Variants in PPFIA1 observed in about 807,000 individuals in gnomAD.
PPFIA1 encodes liprin-alpha-1.
A neutral mutation model predicts 149.9 loss-of-function variants in PPFIA1; 25 were observed. That is an observed-to-expected ratio of 0.17 (90% confidence interval 0.12 to 0.23). The LOEUF is 0.23. PPFIA1 is among the 10% of genes least tolerant of loss of function. PPFIA1 has a pLI of 1.00. For missense variants in PPFIA1, 1,362 were observed against 1,506.5 expected (o/e 0.90, Z 1.59); for synonymous variants, 549 against 552.8 (o/e 0.99, Z 0.10).
intron 16 of PPFIA1, chr11:70,354,099 G>A (rs531232177): frequency 2.9e-5 from 16 of 544,578 alleles, no homozygotes; most frequent in East Asian, 1.9e-4. Flanking sequence ...GCGCACGCTC[G>A]TGGGGAGGCA....
At chr11:70,295,707 C>G (rs2051925014) in intron 2 of PPFIA1, among the ~76,000 whole-genome samples, 1 of 149,622 alleles carries the variant, frequency 6.7e-6, no homozygotes, top group Admixed American at 6.6e-5. Flanking sequence ...CACCTCCCTC[C>G]CGGACGGGGC....
At chr11:70,276,953 GCTTTA>G (rs1254568587) in intron 2 of PPFIA1, among the ~76,000 whole-genome samples, 6 of 144,416 alleles carry the variant, frequency 4.2e-5, no homozygotes, top group Admixed American at 4.1e-4. Flanking sequence ...CCAACTTTCG[GCTTTA>G]CATTTTTTTC....
chr11:70,361,469 A>C (rs907370313), intron 19 of PPFIA1, among the ~76,000 whole-genome samples: 7 of 152,102 alleles, frequency 4.6e-5, no homozygotes, highest in Non-Finnish European at 8.8e-5. Context: ...TTTGATCTGC[A>C]GTTGGTTGAC....
chr11:70,336,609 T>G (rs947283077), intron 11 of PPFIA1, among the ~76,000 whole-genome samples: 1 of 152,200 alleles, frequency 6.6e-6, no homozygotes, highest in African/African-American at 2.4e-5. Flanking sequence ...AAATAAATAT[T>G]CCAACCTCTA....
chr11:70,272,060 C>A, intron 1 of PPFIA1, 113 bp from the exon 2 acceptor site: 2 of 1,174,306 alleles, frequency 1.7e-6, no homozygotes, highest in Non-Finnish European at 2.4e-6. Flanking sequence ...CATAACAGAT[C>A]TGAGCATAAT....
In PPFIA1 at chr11:70,272,690, G is replaced by T. The variant is rs531885928; in HGVS notation, c.264+254G>T. Among the ~76,000 whole-genome samples, 174 of 152,282 alleles carry T rather than the reference G, an allele frequency of 1.1e-3. 1 individual carries two copies. The highest frequency in any genetic ancestry group is 3.9e-3 in the African/African-American group (163 of 41,556). On this transcript the variant is annotated intron_variant, in intron 2 of 27. Coordinates refer to ENST00000253925, the MANE Select transcript of PPFIA1 (RefSeq NM_003626.5). The stretch of plus-strand genomic sequence containing the variant: ...ATCTTTGGGAACTGCCTAGGTTCAG[G>T]AAGTTCTCCAGAGTTTTTGAAAAAG...
chr11:70,347,505 C>G (rs539583505), intron 15 of PPFIA1, among the ~76,000 whole-genome samples: 97 of 152,112 alleles, frequency 6.4e-4, no homozygotes, highest in African/African-American at 2.1e-3. Context: ...AGTTTGAGAC[C>G]AGCCTTGGCA....
intron 2 of PPFIA1, among the ~76,000 whole-genome samples, chr11:70,281,447 C>T (rs1255671922): frequency 6.6e-6 from 1 of 152,180 alleles, no homozygotes; most frequent in Non-Finnish European, 1.5e-5. Context: ...CTTGGCGTGT[C>T]CTGGAGCCCA....
intron 19 of PPFIA1, among the ~76,000 whole-genome samples, chr11:70,360,156 A>G (rs1182144918): frequency 6.6e-6 from 1 of 152,154 alleles, no homozygotes; most frequent in Non-Finnish European, 1.5e-5. Flanking sequence ...ACATCCGTCT[A>G]CCTCCACTGT....
intron 14 of PPFIA1, among the ~76,000 whole-genome samples, chr11:70,340,468 A>G (rs1463947728): frequency 2.0e-5 from 3 of 152,222 alleles, no homozygotes; most frequent in African/African-American, 7.2e-5. Context: ...GTAATTGAAT[A>G]CATATATTCG....
chr11:70,273,204 G>C (rs952465207), intron 2 of PPFIA1, among the ~76,000 whole-genome samples: 1 of 152,020 alleles, frequency 6.6e-6, no homozygotes, highest in Admixed American at 6.5e-5. Flanking sequence ...TTGAACCCGG[G>C]AGGTGGAGGT....
chr11:70,316,682 C>T (rs772709041), intron 2 of PPFIA1, among the ~76,000 whole-genome samples: 29 of 152,176 alleles, frequency 1.9e-4, no homozygotes, highest in African/African-American at 3.6e-4. Flanking sequence ...CAGGCACCCA[C>T]GTGAGGGTGG....
At chr11:70,322,448 G>A (rs886740256) in intron 2 of PPFIA1, among the ~76,000 whole-genome samples, 3 of 152,112 alleles carry the variant, frequency 2.0e-5, no homozygotes, top group Admixed American at 2.0e-4. Context: ...GGTCTACTTG[G>A]CGGCCTCTCC....
chr11:70,371,263 T>C (rs982328838), intron 21 of PPFIA1: 1 of 1,574 alleles, frequency 6.4e-4, no homozygotes, highest in African/African-American at 6.3e-3. Context: ...GATTTCAGTC[T>C]CTTTAAGTAT....
intron 16 of PPFIA1, among the ~76,000 whole-genome samples, chr11:70,352,946 G>T (rs973753279): frequency 6.6e-5 from 10 of 152,116 alleles, no homozygotes; most frequent in Non-Finnish European, 5.9e-5. Flanking sequence ...TTTTGGTTTT[G>T]TTTTTTTAAA....
intron 2 of PPFIA1, among the ~76,000 whole-genome samples, chr11:70,311,967 C>T (rs1001526320): frequency 1.3e-5 from 2 of 151,106 alleles, no homozygotes; most frequent in South Asian, 2.1e-4. Context: ...CCTAACCTCC[C>T]GAGCAGCAGG....
At chr11:70,349,026 G>T (rs926249136) in intron 16 of PPFIA1, among the ~76,000 whole-genome samples, 3 of 150,056 alleles carry the variant, frequency 2.0e-5, no homozygotes, top group Non-Finnish European at 4.4e-5. Flanking sequence ...AAACCACTTA[G>T]CAAAAGTAAA....
chr11:70,365,258 C>T (rs115712820), intron 21 of PPFIA1: 244 of 370,774 alleles, frequency 6.6e-4, no homozygotes, highest in African/African-American at 4.9e-3. Context: ...GTGAGAAGAG[C>T]GAACTTTGCC....
At chr11:70,302,176 G>A (rs1364401179) in intron 2 of PPFIA1, among the ~76,000 whole-genome samples, 104 of 152,242 alleles carry the variant, frequency 6.8e-4, no homozygotes, top group Non-Finnish European at 2.9e-5. Flanking sequence ...TGAACTGAGG[G>A]TTGTGAGGTC....
Sources: gnomAD v4.1 joint callset for allele counts (sites outside exome capture counted in the v4.1 genomes callset) on GRCh38, gnomAD v4.1.1 for gene constraint, MANE v1.5 for transcripts, NCBI Gene and HGNC (gene_info 2026-07-23, HGNC 2026-07-21) for gene names.